Variants in NCKAP1 observed in about 807,000 individuals in gnomAD.
The protein encoded by NCKAP1 is NCK associated protein 1.
NCKAP1 carries 21 observed loss-of-function variants against 151.2 expected under a neutral mutation model. That is an observed-to-expected ratio of 0.14 (90% CI 0.10 to 0.20). The LOEUF is 0.20. NCKAP1 is among the 10% of genes least tolerant of loss of function. The pLI, the probability that NCKAP1 is intolerant of heterozygous loss-of-function variation, is 1.00. For synonymous variants in NCKAP1, 484 were observed against 451.8 expected (o/e 1.07, Z -0.90); for missense variants, 933 against 1,352.1 (o/e 0.69, Z 4.86).
At chr2:182,946,235 TA>T (rs1430679187) in intron 23 of NCKAP1, among the ~76,000 whole-genome samples, 4 of 151,954 alleles carry the variant, frequency 2.6e-5, no homozygotes, top group South Asian at 2.1e-4. Flanking sequence ...CCGTCTCTAC[TA>T]AAAAATACAA....
chr2:182,946,195 C>T (rs1028499142), intron 23 of NCKAP1, among the ~76,000 whole-genome samples: 3 of 152,004 alleles, frequency 2.0e-5, no homozygotes, highest in East Asian at 1.9e-4. Flanking sequence ...GTCAGGAGAT[C>T]GAGACCATCC....
chr2:182,926,305 A>G (rs1320196385), intron 30 of NCKAP1, among the ~76,000 whole-genome samples: 1 of 151,980 alleles, frequency 6.6e-6, no homozygotes, highest in Non-Finnish European at 1.5e-5. Flanking sequence ...AAAAGATTTG[A>G]GCTGTGGGAT....
chr2:182,962,058 T>A, intron 18 of NCKAP1, 101 bp downstream of exon 18: 1 of 1,217,254 alleles, frequency 8.2e-7, no homozygotes, highest in Non-Finnish European at 1.2e-6. Context: ...ACTAATAGTG[T>A]GGGAACTAAA....
At chr2:183,027,821 T>G (rs969398088) in intron 1 of NCKAP1, among the ~76,000 whole-genome samples, 2 of 152,188 alleles carry the variant, frequency 1.3e-5, no homozygotes, top group Non-Finnish European at 2.9e-5. Flanking sequence ...AACTTTCATT[T>G]TGAGGATAAG....
intron 15 of NCKAP1, among the ~76,000 whole-genome samples, chr2:182,974,040 A>G (rs1037792792): frequency 6.6e-6 from 1 of 152,152 alleles, no homozygotes; most frequent in Non-Finnish European, 1.5e-5. Flanking sequence ...TACAGATTAT[A>G]TAATACTGCT....
chr2:183,036,710 C>G (rs72888489), intron 1 of NCKAP1, among the ~76,000 whole-genome samples: 4,049 of 151,652 alleles, frequency 0.027, 80 homozygotes, highest in Non-Finnish European at 0.04. Context: ...TTGTCCTTAT[C>G]CAAAATTTAT....
intron 24 of NCKAP1, among the ~76,000 whole-genome samples, chr2:182,937,482 G>C (rs1696902208): frequency 6.6e-6 from 1 of 152,156 alleles, no homozygotes; most frequent in South Asian, 2.1e-4. Context: ...GACAGAGAGG[G>C]AGGTAATGCC....
intron 15 of NCKAP1, among the ~76,000 whole-genome samples, chr2:182,970,253 C>T (rs13385317): frequency 0.6 from 91,276 of 152,082 alleles, 30,502 homozygotes; most frequent in East Asian, 0.86. Context: ...TTCAAATACT[C>T]ATTCTATGAG....
At chr2:183,027,300 C>T (rs576248234) in intron 1 of NCKAP1, among the ~76,000 whole-genome samples, 57 of 152,186 alleles carry the variant, frequency 3.7e-4, no homozygotes, top group African/African-American at 1.3e-3. Flanking sequence ...GTAGACTTTA[C>T]GAGAGTATTT....
chr2:182,969,516 C>G (rs553300885), intron 15 of NCKAP1, among the ~76,000 whole-genome samples: 188 of 151,520 alleles, frequency 1.2e-3, no homozygotes, highest in African/African-American at 4.2e-3. Context: ...GTACCTTTAA[C>G]TTCGGAAACT....
chr2:182,909,236 A>T lies in NCKAP1; in HGVS notation c.*16466T>A, dbSNP rs1326946058. On this transcript the variant is annotated 3_prime_UTR_variant, in exon 31 of 31. Coordinates refer to ENST00000361354, the MANE Select transcript of NCKAP1 (RefSeq NM_013436.5). Reference sequence around the variant, plus strand: ...TTTACCGTTTCAACCATTTTTAAGCATACAGTTCTGTGGCATTAAGTACAT... The same window carrying T: ...TTTACCGTTTCAACCATTTTTAAGCTTACAGTTCTGTGGCATTAAGTACAT... 6.6e-6 allele frequency: 1 copy of T among 152,188 alleles called. No homozygotes were observed. The highest frequency in any genetic ancestry group is 1.5e-5 in the Non-Finnish European group (1 of 68,028). 9.4% of individuals were successfully genotyped at this position (152,188 alleles called of 1,614,324 possible).
chr2:182,916,567 G>A lies in NCKAP1; in HGVS notation c.*9135C>T, dbSNP rs1393452401. ...AGGTTTAGAAGAAACAGGATGGCAT[G>A]GTAAGGAAAGGGCAAGTGATGTTTG... On this transcript the variant is annotated 3_prime_UTR_variant, in exon 31 of 31. Transcript: ENST00000361354. The A allele has an allele frequency of 6.6e-6, 1 of 152,172 alleles. No homozygotes were observed. Among genetic ancestry groups the A allele is most frequent in the Admixed American group, 6.5e-5 (1 of 15,274 alleles). 9.4% of individuals were successfully genotyped at this position (152,172 alleles called of 1,614,324 possible).
At position 183,038,043 on chromosome 2, in the gene NCKAP1, G is replaced by A. The variant is rs756924501; in HGVS notation, c.57C>T (p.Ile19=). The A allele has an allele frequency of 6.3e-6, 10 of 1,588,176 alleles. No individual in the cohort carries two copies. In the African/African-American group the frequency reaches 1.2e-4, roughly 20 times the overall value. Residue 19 remains isoleucine, a synonymous_variant, in exon 1 of 31, where the codon ATC becomes ATT. Transcript: ENST00000361354. ...GCATGCCGACGCCCCGGTCGTTGAG[G>A]ATGGTGAGCTTCTCCGCCAGCTTCT... ...SQQKLAEKLT[I]LNDRGVGMLT...
At chr2:183,007,054 G>A (rs1698490325) in intron 2 of NCKAP1, among the ~76,000 whole-genome samples, 1 of 152,064 alleles carries the variant, frequency 6.6e-6, no homozygotes, top group Non-Finnish European at 1.5e-5. Flanking sequence ...TGTATTTTTA[G>A]TAGAGGCGGG....
chr2:182,980,177 AC>A (rs1327378477), intron 13 of NCKAP1, among the ~76,000 whole-genome samples: 2 of 152,070 alleles, frequency 1.3e-5, no homozygotes, highest in South Asian at 2.1e-4. Flanking sequence ...AGGCAATAAT[AC>A]CCCAGGTTTT....
intron 20 of NCKAP1, among the ~76,000 whole-genome samples, chr2:182,953,919 T>A (rs956443862): frequency 2.6e-5 from 4 of 152,230 alleles, no homozygotes; most frequent in Non-Finnish European, 5.9e-5. Context: ...CAAATTGCTT[T>A]AACATGGTAA....
chr2:182,915,539 G>T lies in NCKAP1; in HGVS notation c.*10163C>A, dbSNP rs1459999212. The T allele has an allele frequency of 6.6e-6, 1 of 152,096 alleles. No individual in the cohort carries two copies. The highest frequency in any genetic ancestry group is 1.5e-5 in the Non-Finnish European group (1 of 68,028). 9.4% of individuals were successfully genotyped at this position (152,096 alleles called of 1,614,324 possible). A position where few individuals can be genotyped will look rare whatever the true frequency, so the allele number is the denominator to read the frequency against. ...CCAAGGGTGTTCTATGAGCCTTATT[G>T]GTCCTCCCTGTACGATCAGCTGCGA... On this transcript the variant is annotated 3_prime_UTR_variant, in exon 31 of 31. Coordinates refer to ENST00000361354, the MANE Select transcript of NCKAP1 (RefSeq NM_013436.5).
chr2:182,966,553 T>C (rs752235385), intron 16 of NCKAP1, among the ~76,000 whole-genome samples: 26 of 152,188 alleles, frequency 1.7e-4, no homozygotes, highest in Non-Finnish European at 3.5e-4. Context: ...TCCCAAGTGT[T>C]GGGATTATAG....
chr2:182,994,971 G>T, intron 7 of NCKAP1, 84 bp from the exon 8 acceptor site: 2 of 1,094,130 alleles, frequency 1.8e-6, no homozygotes, highest in Non-Finnish European at 2.7e-6. Context: ...CCTTTCTCCT[G>T]ATAACTTACT....
Sources: allele counts gnomAD v4.1 joint callset (sites outside exome capture counted in the v4.1 genomes callset), GRCh38; gene constraint gnomAD v4.1.1; transcripts MANE v1.5; gene names NCBI Gene and HGNC (gene_info 2026-07-23, HGNC 2026-07-21).